Variants in NMNAT2 observed in about 807,000 individuals in gnomAD.
The protein encoded by NMNAT2 is nicotinamide nucleotide adenylyltransferase 2.
Under a neutral mutation model 41.6 loss-of-function variants are expected in NMNAT2, and 11 were observed. That is an observed-to-expected ratio of 0.26 (90% CI 0.17 to 0.44). The LOEUF (loss-of-function observed/expected upper bound fraction) is 0.44, where lower values mean the gene tolerates loss of function less well. Ranked by LOEUF, NMNAT2 falls within the 20% of genes least tolerant of loss-of-function variation. The pLI, the probability that NMNAT2 is intolerant of heterozygous loss-of-function variation, is 1.00. For missense variants in NMNAT2, 288 were observed against 407.7 expected (o/e 0.71, Z 2.53); for synonymous variants, 148 against 151.2 (o/e 0.98, Z 0.16).
intron 1 of NMNAT2, among the ~76,000 whole-genome samples, chr1:183,315,613 C>T (rs1000855934): frequency 6.6e-6 from 1 of 151,974 alleles, no homozygotes; most frequent in African/African-American, 2.4e-5. Flanking sequence ...AAAACCCCGT[C>T]TCTACTAAAA....
At chr1:183,415,948 T>C (rs146246006) in intron 1 of NMNAT2, among the ~76,000 whole-genome samples, 5 of 152,302 alleles carry the variant, frequency 3.3e-5, no homozygotes, top group Non-Finnish European at 5.9e-5. Context: ...ACTCTCTGAA[T>C]TATACTTTAA....
intron 1 of NMNAT2, among the ~76,000 whole-genome samples, chr1:183,412,445 G>A (rs566716376): frequency 5.3e-5 from 8 of 152,112 alleles, no homozygotes; most frequent in African/African-American, 7.2e-5. Flanking sequence ...GGATGGTCTC[G>A]ATCTCCTGAC....
chr1:183,359,755 CAG>C (rs1420538883), intron 1 of NMNAT2, among the ~76,000 whole-genome samples: 1 of 152,118 alleles, frequency 6.6e-6, no homozygotes, highest in Non-Finnish European at 1.5e-5. Flanking sequence ...ACGTGTGGCT[CAG>C]AGTCCAGTGG....
At chr1:183,331,911 AT>A (rs1484373403) in intron 1 of NMNAT2, among the ~76,000 whole-genome samples, 1 of 152,050 alleles carries the variant, frequency 6.6e-6, no homozygotes, top group Non-Finnish European at 1.5e-5. Flanking sequence ...CCTCAGCCTC[AT>A]AGCTGGGATT....
intron 1 of NMNAT2, among the ~76,000 whole-genome samples, chr1:183,324,428 C>G (rs1414154009): frequency 6.6e-6 from 1 of 152,130 alleles, no homozygotes; most frequent in African/African-American, 2.4e-5. Context: ...TGGGAAATTT[C>G]CCACTTGTGA....
intron 1 of NMNAT2, among the ~76,000 whole-genome samples, chr1:183,322,265 G>A (rs1376790172): frequency 6.6e-6 from 1 of 152,154 alleles, no homozygotes; most frequent in East Asian, 1.9e-4. Flanking sequence ...GATTCACAAG[G>A]GTTGCAAATG....
chr1:183,413,609 T>C (rs1325667051), intron 1 of NMNAT2, among the ~76,000 whole-genome samples: 18 of 139,564 alleles, frequency 1.3e-4, no homozygotes, highest in East Asian at 2.0e-4. Context: ...TTTCTTTTTT[T>C]TTTTTTTTTT....
At chr1:183,309,287 A>T (rs1398185921) in intron 1 of NMNAT2, among the ~76,000 whole-genome samples, 1 of 152,162 alleles carries the variant, frequency 6.6e-6, no homozygotes, top group Non-Finnish European at 1.5e-5. Context: ...GGCATGAGCC[A>T]CTGTGCCCGG....
intron 1 of NMNAT2, among the ~76,000 whole-genome samples, chr1:183,392,604 G>T (rs1397748798): frequency 1.3e-5 from 2 of 152,106 alleles, no homozygotes; most frequent in East Asian, 3.8e-4. Flanking sequence ...CACAACCTGG[G>T]CATCCACTAT....
In NMNAT2 at chr1:183,303,813, T is replaced by G. The variant is rs375304157; in HGVS notation, c.86-10020A>C. Among the ~76,000 whole-genome samples the G allele has an allele frequency of 1.1e-4, 16 of 152,226 alleles. 1 individual carries two copies. Among genetic ancestry groups the G allele is most frequent in the African/African-American group, 2.2e-4 (9 of 41,456 alleles). On this transcript the variant is annotated intron_variant, in intron 1 of 10. Coordinates refer to ENST00000287713, the MANE Select transcript of NMNAT2 (RefSeq NM_015039.4). ...ATCCATATGTGGGACCACAGGAGCC[T>G]ACCATGCCATCCCTTGGAACTGTTA...
At chr1:183,384,798 T>G (rs539393221) in intron 1 of NMNAT2, among the ~76,000 whole-genome samples, 122 of 152,310 alleles carry the variant, frequency 8.0e-4, no homozygotes, top group African/African-American at 2.9e-3. Flanking sequence ...CATTGAAGAT[T>G]AATGTCTGTG....
At chr1:183,307,537 G>T (rs1341863694) in intron 1 of NMNAT2, among the ~76,000 whole-genome samples, 1 of 151,986 alleles carries the variant, frequency 6.6e-6, no homozygotes, top group Non-Finnish European at 1.5e-5. Flanking sequence ...CTGTCTCCTG[G>T]GTTCAAGTGA....
intron 8 of NMNAT2, among the ~76,000 whole-genome samples, chr1:183,273,625 C>G (rs763810605): frequency 4.1e-4 from 62 of 152,270 alleles, no homozygotes; most frequent in Non-Finnish European, 5.0e-4. Context: ...CCTTGAGATC[C>G]AACCTTCCCC....
At chr1:183,291,147 C>T (rs960397875) in intron 3 of NMNAT2, among the ~76,000 whole-genome samples, 1 of 152,134 alleles carries the variant, frequency 6.6e-6, no homozygotes, top group Non-Finnish European at 1.5e-5. Context: ...AAACTCCTGA[C>T]CTCAGGTGAT....
Position 183,250,961 on chromosome 1 carries a change from C to G in NMNAT2, c.*1680G>C. Reference sequence around the variant, plus strand: ...ATTTTGATAAAAGTATCCTAATACTCAGGGACTATTTCTCAAAGACCAGAA... The same window carrying G: ...ATTTTGATAAAAGTATCCTAATACTGAGGGACTATTTCTCAAAGACCAGAA... On this transcript the variant is annotated 3_prime_UTR_variant, in exon 11 of 11. Coordinates refer to ENST00000287713, the MANE Select transcript of NMNAT2 (RefSeq NM_015039.4). 1 of 152,214 alleles carries G rather than the reference C, an allele frequency of 6.6e-6. No homozygotes were observed. The highest frequency in any genetic ancestry group is 1.5e-5 in the Non-Finnish European group (1 of 68,022). 9.4% of individuals were successfully genotyped at this position (152,214 alleles called of 1,614,324 possible).
At chr1:183,308,887 C>T (rs948352025) in intron 1 of NMNAT2, among the ~76,000 whole-genome samples, 1 of 152,044 alleles carries the variant, frequency 6.6e-6, no homozygotes, top group African/African-American at 2.4e-5. Flanking sequence ...CTTTGTAGCC[C>T]CTGAGGTGGG....
intron 1 of NMNAT2, among the ~76,000 whole-genome samples, chr1:183,402,919 C>A (rs115235705): frequency 2.0e-5 from 3 of 151,570 alleles, no homozygotes; most frequent in Non-Finnish European, 2.9e-5. Context: ...AAGCTGCTGT[C>A]GTGCAATAAG....
Position 183,278,592 on chromosome 1 carries a change from C to T in NMNAT2, c.612G>A (p.Leu204=). Residue 204 remains leucine, a synonymous_variant, in exon 8 of 11, where the codon CTG becomes CTA. Coordinates refer to ENST00000287713, the MANE Select transcript of NMNAT2 (RefSeq NM_015039.4). ...AGAGCCCTGGGATGCAGAAGGACTCCAGCAGGTCACTACCACACAGCAGCA... is the reference window on the plus strand; with the variant it reads ...AGAGCCCTGGGATGCAGAAGGACTCTAGCAGGTCACTACCACACAGCAGCA... ...RILLLCGSDL[L]ESFCIPGLWN... 6.2e-7 allele frequency: 1 copy of T among 1,614,006 alleles called. No individual in the cohort carries two copies. Among genetic ancestry groups the T allele is most frequent in the Non-Finnish European group, 8.5e-7 (1 of 1,179,878 alleles).
intron 1 of NMNAT2, among the ~76,000 whole-genome samples, chr1:183,399,127 G>GT (rs1238888236): frequency 1.3e-4 from 20 of 152,042 alleles, no homozygotes; most frequent in Middle Eastern, 6.3e-3. Context: ...CCAGGAGCTG[G>GT]TTTTTTGAAA....
Sources: allele counts gnomAD v4.1 joint callset (sites outside exome capture counted in the v4.1 genomes callset), GRCh38; gene constraint gnomAD v4.1.1; transcripts MANE v1.5; gene names NCBI Gene and HGNC (gene_info 2026-07-23, HGNC 2026-07-21).